The following FAM120B variants were observed in gnomAD, a reference collection of about 807,000 sequenced individuals.
FAM120B encodes family with sequence similarity 120 member B, also known as constitutive coactivator of peroxisome proliferator-activated receptor gamma.
In FAM120B, 83 loss-of-function variants were observed where a neutral mutation model predicts 96.3. The observed-to-expected ratio is 0.86, with a 90% CI of 0.72 to 1.03. The LOEUF (loss-of-function observed/expected upper bound fraction) is 1.03. FAM120B is among the 50% of genes least tolerant of loss of function. FAM120B has a pLI of 0.00. For synonymous variants in FAM120B, 407 were observed against 402.7 expected, an observed-to-expected ratio of 1.01 and a Z score of -0.13; for missense variants, 1,027 against 1,121.2, an observed-to-expected ratio of 0.92 and a Z score of 1.20.
chr6:170,299,201 G>A (rs1308149064), intron 1 of FAM120B, among the ~76,000 whole-genome samples: 2 of 152,110 alleles, frequency 1.3e-5, no homozygotes, highest in African/African-American at 4.8e-5. Flanking sequence ...TATTGTTGTT[G>A]TTTTGTTTTG....
intron 9 of FAM120B, among the ~76,000 whole-genome samples, chr6:170,398,066 G>A (rs114610420): frequency 5.2e-4 from 79 of 152,356 alleles, no homozygotes; most frequent in African/African-American, 1.7e-3. Flanking sequence ...CAGATGGGAG[G>A]ATGGGAAAGA....
intron 2 of FAM120B, among the ~76,000 whole-genome samples, chr6:170,321,866 A>G (rs1785313306): frequency 1.3e-5 from 2 of 152,240 alleles, no homozygotes; most frequent in Admixed American, 1.3e-4. Flanking sequence ...CCTATGAATA[A>G]TGAATCAACA....
upstream of FAM120B, among the ~76,000 whole-genome samples, chr6:170,306,211 T>A (rs1283394496): frequency 1.3e-5 from 2 of 152,104 alleles, no homozygotes; most frequent in African/African-American, 4.8e-5. Context: ...GCCGTCCCGA[T>A]ACGGAGGCGA....
upstream of FAM120B, among the ~76,000 whole-genome samples, chr6:170,301,931 C>A (rs977623818): frequency 2.0e-5 from 3 of 152,194 alleles, no homozygotes; most frequent in African/African-American, 7.2e-5. Context: ...AGGTTTCAAA[C>A]TTTCCCACAT....
chr6:170,317,949 A>G lies in FAM120B; in HGVS notation c.559A>G (p.Thr187Ala). Residue 187 changes from threonine to alanine, a missense_variant, in exon 2 of 11, where the codon ACT becomes GCT. Physicochemically the swap from Thr to Ala is moderately conservative, Grantham distance 58 (BLOSUM62 0). Coordinates refer to ENST00000476287, the MANE Select transcript of FAM120B (RefSeq NM_032448.3). ...AGACACTGATTACCTAATCTATGAC[A>G]CTTGTCCCTACTTTTCAATTAGCGA... ...GEDTDYLIYDTCPYFSISELC... is the reference protein window; with the variant it reads ...GEDTDYLIYDACPYFSISELC... 1.9e-6 allele frequency: 3 copies of G among 1,614,048 alleles called. No homozygotes were observed. Among genetic ancestry groups the G allele is most frequent in the Non-Finnish European group, 2.5e-6 (3 of 1,179,946 alleles).
In FAM120B at chr6:170,318,048, G is replaced by T. The variant is rs969354951; in HGVS notation, c.658G>T (p.Ala220Ser). Residue 220 changes from alanine (A) to serine (S), a missense_variant, in exon 2 of 11, where the codon GCC becomes TCC. Ala to Ser is a moderately conservative substitution (Grantham distance 99). Coordinates refer to ENST00000476287, the MANE Select transcript of FAM120B (RefSeq NM_032448.3). ...CTGTGAGAGTCTGGGCCTCTGTGTG[G>T]CCGACCTTCCTCTTCTGGCCTGCCT... ...KLCESLGLCV[A>S]DLPLLACLLG... 6.2e-7 allele frequency: 1 copy of T among 1,614,142 alleles called. No homozygotes were observed. Among genetic ancestry groups the T allele is most frequent in the Non-Finnish European group, 8.5e-7 (1 of 1,180,004 alleles).
chr6:170,387,416 G>C (rs1024498313), intron 6 of FAM120B, among the ~76,000 whole-genome samples: 1 of 152,134 alleles, frequency 6.6e-6, no homozygotes, highest in Non-Finnish European at 1.5e-5. Context: ...AGATAAGCCA[G>C]ACAATGACGG....
At chr6:170,373,873 G>A (rs114510914) in intron 6 of FAM120B, among the ~76,000 whole-genome samples, 17 of 152,210 alleles carry the variant, frequency 1.1e-4, no homozygotes, top group African/African-American at 3.4e-4. Context: ...TGTTGATGCC[G>A]GATATAAATG....
chr6:170,363,599 C>A lies in FAM120B; in HGVS notation c.2283+5281C>A, dbSNP rs1472822566. Among the ~76,000 whole-genome samples the A allele has an allele frequency of 6.6e-6, 1 of 152,234 alleles. No homozygotes were observed. Among genetic ancestry groups the A allele is most frequent in the African/African-American group, 2.4e-5 (1 of 41,464 alleles). Reference sequence around the variant, plus strand: ...GTGAAAATACAGGTCCCAGGCAAGGCCTGAAGCCCCAGTTTTTACTTTATT... The same window carrying A: ...GTGAAAATACAGGTCCCAGGCAAGGACTGAAGCCCCAGTTTTTACTTTATT... On this transcript the variant is annotated intron_variant, in intron 6 of 10. Transcript: ENST00000476287. The surrounding 1 kb of genome is among the most constrained non-coding windows in gnomAD (Gnocchi z 4.5).
intron 5 of FAM120B, among the ~76,000 whole-genome samples, chr6:170,353,275 A>G (rs926349508): frequency 2.0e-5 from 3 of 152,188 alleles, no homozygotes; most frequent in Non-Finnish European, 4.4e-5. Flanking sequence ...ACAAACAAAA[A>G]AAAATCCAGA....
intron 4 of FAM120B, 61 bp downstream of exon 4, chr6:170,330,611 G>T (rs1785955754): frequency 1.6e-6 from 2 of 1,249,066 alleles, no homozygotes; most frequent in African/African-American, 3.0e-5. Context: ...AAAAGTCTAA[G>T]AATGCATCAG....
Position 170,295,963 on chromosome 6 carries a change from C to A in FAM120B, c.48+510C>A, listed in dbSNP as rs1783991507. 6.6e-6 allele frequency among the ~76,000 whole-genome samples: 1 copy of A among 151,870 alleles called. No individual in the cohort carries two copies. Among genetic ancestry groups the A allele is most frequent in the African/African-American group, 2.4e-5 (1 of 41,380 alleles). On this transcript the variant is annotated intron_variant, in intron 1 of 10. Coordinates refer to the FAM120B transcript ENST00000537664. The surrounding 1 kb of genome is among the most constrained non-coding windows in gnomAD (Gnocchi z 7.8). ...GGCGGCCCCGGCGCAGATGACGGCT[C>A]GGCAGCGGGCCCCCGCCCCCTCCTC...
intron 1 of FAM120B, among the ~76,000 whole-genome samples, chr6:170,296,443 G>A (rs1201163699): frequency 6.6e-6 from 1 of 151,858 alleles, no homozygotes; most frequent in Non-Finnish European, 1.5e-5. Flanking sequence ...GGGCCACTGC[G>A]AGGGCGGAGG....
intron 6 of FAM120B, among the ~76,000 whole-genome samples, chr6:170,373,144 G>A (rs1323271484): frequency 6.6e-6 from 1 of 152,174 alleles, no homozygotes; most frequent in Non-Finnish European, 1.5e-5. Flanking sequence ...TTTAAGAACT[G>A]GTTTTTCCAG....
At position 170,317,361 on chromosome 6, in the gene FAM120B, TC is replaced by T. The variant is rs748061236; in HGVS notation, c.-21-8del. 1.7e-5 allele frequency: 27 copies of T among 1,586,760 alleles called. No individual in the cohort carries two copies. The highest frequency in any genetic ancestry group is 1.6e-4 in the African/African-American group (12 of 74,272). The stretch of plus-strand genomic sequence containing the variant: ...CCATAATTACTGATTAATTTATCTT[TC>T]TTTCCAGATCCTTTCCCGGAGTTCA... On this transcript the variant is annotated splice_region_variant and splice_polypyrimidine_tract_variant and intron_variant, in intron 1 of 10. Coordinates refer to ENST00000476287, the MANE Select transcript of FAM120B (RefSeq NM_032448.3).
rs183442167 is a variant in FAM120B at position 170,339,401 on chromosome 6, A to G, written c.2018-8750A>G. ...AAAATGATTCCATTCCATTCTAGAA[A>G]TTTGAAGTATGTAACTTGAAATCCT... On this transcript the variant is annotated intron_variant, in intron 4 of 10. Coordinates refer to ENST00000476287, the MANE Select transcript of FAM120B (RefSeq NM_032448.3). Among the ~76,000 whole-genome samples, 461 of 152,128 alleles carry G rather than the reference A, an allele frequency of 3.0e-3. 1 individual carries two copies. The highest frequency in any genetic ancestry group is 0.01 in the African/African-American group (417 of 41,512).
intron 5 of FAM120B, among the ~76,000 whole-genome samples, chr6:170,353,165 C>G (rs1787686822): frequency 1.3e-5 from 2 of 152,094 alleles, no homozygotes; most frequent in African/African-American, 4.8e-5. Context: ...CTTCTTGAGA[C>G]TGAACCAGGA....
At chr6:170,293,504 AC>A (rs1783930687), upstream of FAM120B, among the ~76,000 whole-genome samples, 5 of 152,180 alleles carry the variant, frequency 3.3e-5, no homozygotes. Flanking sequence ...TTTCTCGATT[AC>A]GGCGGCAAAG....
At chr6:170,342,135 G>T (rs752020489) in intron 4 of FAM120B, among the ~76,000 whole-genome samples, 1 of 152,186 alleles carries the variant, frequency 6.6e-6, no homozygotes, top group Non-Finnish European at 1.5e-5. Context: ...GGCCAAGCCC[G>T]TGTCTCCAGT....
Sources: allele counts gnomAD v4.1 joint callset (sites outside exome capture counted in the v4.1 genomes callset), GRCh38; gene constraint gnomAD v4.1.1; non-coding constraint Gnocchi (gnomAD v3.1); transcripts MANE v1.5; gene names NCBI Gene and HGNC (gene_info 2026-07-23, HGNC 2026-07-21).